PAH: variants seen among roughly 807,000 people sequenced by gnomAD.
The protein encoded by PAH is phenylalanine hydroxylase.
A neutral mutation model predicts 62.0 loss-of-function variants in PAH; 64 were observed. The ratio of observed to expected loss-of-function variants is 1.03; its 90% CI spans 0.84 to 1.27. The LOEUF (loss-of-function observed/expected upper bound fraction) is 1.27, where lower values mean the gene tolerates loss of function less well. Among genes scored for constraint, PAH ranks in the 50% most tolerant of loss-of-function variants. The pLI is 0.00. For missense variants in PAH, 579 were observed against 542.8 expected (o/e 1.07, Z -0.66); for synonymous variants, 195 against 196.2 (o/e 0.99, Z 0.05).
At chr12:102,889,414 G>C (rs1369386953) in intron 3 of PAH, among the ~76,000 whole-genome samples, 9 of 140,168 alleles carry the variant, frequency 6.4e-5, no homozygotes, top group African/African-American at 2.2e-4. Context: ...TAGATAGATA[G>C]ATAGATAGAT....
At chr12:102,942,177 G>T (rs1210264277) in intron 1 of PAH, among the ~76,000 whole-genome samples, 1 of 152,004 alleles carries the variant, frequency 6.6e-6, no homozygotes, top group Non-Finnish European at 1.5e-5. Flanking sequence ...ACCCCATTGT[G>T]TCTGCTCTAA....
At chr12:102,857,075 C>A (rs1250215423) in intron 5 of PAH, among the ~76,000 whole-genome samples, 1 of 152,094 alleles carries the variant, frequency 6.6e-6, no homozygotes, top group Non-Finnish European at 1.5e-5. Flanking sequence ...AGCTAAAAAC[C>A]TTGAAAAAAG....
chr12:102,864,726 G>A (rs1000641577), intron 5 of PAH, among the ~76,000 whole-genome samples: 1 of 150,462 alleles, frequency 6.6e-6, no homozygotes, highest in Non-Finnish European at 1.5e-5. Flanking sequence ...GGGAATGACT[G>A]TGAAAGTGTA....
At chr12:102,910,610 T>C (rs1279879949) in intron 2 of PAH, among the ~76,000 whole-genome samples, 1 of 152,092 alleles carries the variant, frequency 6.6e-6, no homozygotes, top group Non-Finnish European at 1.5e-5. Flanking sequence ...GACCTTGTGA[T>C]CCGTCAGCCT....
chr12:102,842,487 T>G (rs1874634772), intron 11 of PAH, among the ~76,000 whole-genome samples: 1 of 152,224 alleles, frequency 6.6e-6, no homozygotes. Flanking sequence ...CTTTGAAGTC[T>G]CTTTATTCCA....
At chr12:102,855,112 C>T in intron 6 of PAH, 24 bp downstream of exon 6, 2 of 1,588,396 alleles carry the variant, frequency 1.3e-6, no homozygotes, top group Non-Finnish European at 1.7e-6. Context: ...TTCTGCAGGG[C>T]CATTGACCCT....
At chr12:102,903,034 A>G (rs1189557993) in intron 2 of PAH, among the ~76,000 whole-genome samples, 6 of 152,178 alleles carry the variant, frequency 3.9e-5, no homozygotes, top group Non-Finnish European at 8.8e-5. Flanking sequence ...TTCTTTTCCT[A>G]TACCACCAAA....
upstream of PAH, among the ~76,000 whole-genome samples, chr12:102,921,998 A>G (rs184384674): frequency 6.6e-6 from 1 of 152,220 alleles, no homozygotes; most frequent in African/African-American, 2.4e-5. Context: ...TCAAACATCA[A>G]AATATAAAAC....
intron 4 of PAH, among the ~76,000 whole-genome samples, chr12:102,872,211 A>G (rs576597920): frequency 3.3e-5 from 5 of 152,260 alleles, no homozygotes; most frequent in South Asian, 4.1e-4. Context: ...GTTAAGACAC[A>G]TAATTATGGC....
chr12:102,946,181 G>A (rs1258637699), intron 1 of PAH: 1 of 152,198 alleles, frequency 6.6e-6, no homozygotes, highest in African/African-American at 2.4e-5. Flanking sequence ...TCAAACAGAG[G>A]GAAGGAGTCT....
chr12:102,867,938 TACATGTATATACATATATAGATGTATATA>T, intron 4 of PAH, among the ~76,000 whole-genome samples: 7 of 142,742 alleles, frequency 4.9e-5, no homozygotes, highest in South Asian at 2.2e-4. Flanking sequence ...GATGTATATA[TACATGTATATACATATATAGATGTATATA>T]TACATGTATA....
At chr12:102,840,617 C>T in intron 11 of PAH, 102 bp from the exon 12 acceptor site, 4 of 816,046 alleles carry the variant, frequency 4.9e-6, no homozygotes, top group South Asian at 2.8e-5. Flanking sequence ...GGAACACGGA[C>T]ACCTCCCTAG....
chr12:102,901,945 AAGG>A (rs751730755), intron 2 of PAH, among the ~76,000 whole-genome samples: 3 of 152,222 alleles, frequency 2.0e-5, no homozygotes, highest in Non-Finnish European at 4.4e-5. Flanking sequence ...TATGTTCTCA[AAGG>A]AGGAGACAAA....
upstream of PAH, among the ~76,000 whole-genome samples, chr12:102,951,064 G>A (rs887184053): frequency 7.2e-5 from 11 of 152,166 alleles, no homozygotes; most frequent in East Asian, 1.7e-3. Context: ...TGCGTGGGGG[G>A]GGAAGCAGGA....
intron 5 of PAH, among the ~76,000 whole-genome samples, chr12:102,860,969 C>A (rs952186366): frequency 6.6e-6 from 1 of 152,090 alleles, no homozygotes; most frequent in Non-Finnish European, 1.5e-5. Context: ...GCAACAAAAG[C>A]CGAAATTGAC....
In PAH at chr12:102,855,216, A is replaced by T. The variant is rs1409955402; in HGVS notation, c.626T>A (p.Ile209Asn). 2.5e-6 allele frequency: 4 copies of T among 1,614,148 alleles called. No individual in the cohort carries two copies. The highest frequency in any genetic ancestry group is 2.2e-5 in the South Asian group (2 of 91,084). Residue 209 changes from isoleucine (I) to asparagine (N), a missense_variant, in exon 6 of 13, where the codon ATT (isoleucine) becomes AAT (asparagine). Coordinates refer to ENST00000553106, the MANE Select transcript of PAH (RefSeq NM_000277.3). ...ACAGTACTTTTCAAGAAGTGGAAAA[A>T]TGTGATTGTACTCATAGCAAGCATG... ...KTHACYEYNH[I>N]FPLLEKYCGF... is the part of the protein sequence containing the mutation.
intron 7 of PAH, chr12:102,851,995 G>A: frequency 1.9e-6 from 1 of 515,042 alleles, no homozygotes; most frequent in Non-Finnish European, 3.5e-6. Context: ...AGCAGCCAAG[G>A]GTCTTAAGAG....
At chr12:102,861,966 T>TTA (rs375190076) in intron 5 of PAH, among the ~76,000 whole-genome samples, 4 of 128,472 alleles carry the variant, frequency 3.1e-5, no homozygotes, top group African/African-American at 1.1e-4. Flanking sequence ...ACTTAAAGTA[T>TTA]AAAAAAAAAA....
intron 4 of PAH, among the ~76,000 whole-genome samples, chr12:102,872,602 T>C (rs186805448): frequency 6.6e-6 from 1 of 152,316 alleles, no homozygotes; most frequent in African/African-American, 2.4e-5. Flanking sequence ...GTCTTGTTAT[T>C]GGGCAATTTG....
Sources: allele counts gnomAD v4.1 joint callset (sites outside exome capture counted in the v4.1 genomes callset), GRCh38; gene constraint gnomAD v4.1.1; transcripts MANE v1.5; gene names NCBI Gene and HGNC (gene_info 2026-07-23, HGNC 2026-07-21).